The following THSD7B variants were observed in gnomAD, a reference collection of about 807,000 sequenced individuals.
THSD7B encodes the protein thrombospondin type 1 domain containing 7B.
Under a neutral mutation model 213.6 loss-of-function variants are expected in THSD7B, and 138 were observed. The ratio of observed to expected loss-of-function variants is 0.65; its 90% CI spans 0.56 to 0.74. THSD7B has a LOEUF of 0.74. THSD7B is among the 30% of genes least tolerant of loss of function. THSD7B has a pLI of 0.00. For missense variants in THSD7B, 1,931 were observed against 1,991.5 expected (o/e 0.97, Z 0.58); for synonymous variants, 742 against 687.0 (o/e 1.08, Z -1.25).
intron 12 of THSD7B, among the ~76,000 whole-genome samples, chr2:137,363,304 C>G (rs972380054): frequency 6.6e-6 from 1 of 151,992 alleles, no homozygotes; most frequent in Non-Finnish European, 1.5e-5. Context: ...AAAATCGACA[C>G]CCTAACATCA....
chr2:137,256,817 G>A (rs1682320929), intron 10 of THSD7B, among the ~76,000 whole-genome samples: 1 of 152,186 alleles, frequency 6.6e-6, no homozygotes, highest in African/African-American at 2.4e-5. Context: ...AATAGAAAAG[G>A]GGAATTGAAG....
At chr2:137,354,059 G>A (rs1001605703) in intron 12 of THSD7B, among the ~76,000 whole-genome samples, 7 of 152,010 alleles carry the variant, frequency 4.6e-5, no homozygotes, top group Non-Finnish European at 8.8e-5. Flanking sequence ...TGGCTCTGCA[G>A]ACAGAGCTGG....
chr2:137,487,472 C>G (rs1688485380), intron 15 of THSD7B, among the ~76,000 whole-genome samples: 1 of 145,952 alleles, frequency 6.9e-6, no homozygotes, highest in Admixed American at 6.8e-5. Context: ...CAGAGCAGAA[C>G]TGAAGGAAAT....
rs527546561 is a variant in THSD7B, at chr2:137,668,458, A to G, written c.4739+597A>G. Among the ~76,000 whole-genome samples, 104 of 151,510 alleles carry G rather than the reference A, an allele frequency of 6.9e-4. 4 individuals are homozygous for G. The South Asian group carries it at 0.021, about 31-fold the overall frequency. On this transcript the variant is annotated intron_variant, in intron 27 of 27. Coordinates refer to ENST00000409968, the MANE Select transcript of THSD7B (RefSeq NM_001316349.2). ...TGATGGTCATTTGCAAAAAAAAAAA[A>G]CCATTTTGTAAAGTGACTAGTTCTG...
chr2:136,864,675 C>T lies in THSD7B; in HGVS notation c.-35-17469C>T, dbSNP rs573581948. On this transcript the variant is annotated intron_variant, in intron 1 of 27. Coordinates refer to ENST00000409968, the MANE Select transcript of THSD7B (RefSeq NM_001316349.2). ...TCACATCATTCTCCTGCTTCAGCCC[C>T]CCGAGTAGCTGGGACCACAGGCTCC... Among the ~76,000 whole-genome samples the T allele has an allele frequency of 4.6e-4, 70 of 152,270 alleles. 1 individual carries two copies. Among genetic ancestry groups the T allele is most frequent in the African/African-American group, 1.6e-3 (65 of 41,556 alleles).
At chr2:137,418,726 ACT>A (rs1370472114) in intron 14 of THSD7B, among the ~76,000 whole-genome samples, 1 of 151,706 alleles carries the variant, frequency 6.6e-6, no homozygotes, top group Non-Finnish European at 1.5e-5. Context: ...TCACCAATCT[ACT>A]CTCTATTTTT....
chr2:137,434,027 T>G (rs1687240939), intron 14 of THSD7B, among the ~76,000 whole-genome samples: 1 of 152,200 alleles, frequency 6.6e-6, no homozygotes, highest in Non-Finnish European at 1.5e-5. Flanking sequence ...CAGCTTTATA[T>G]CATCCCAAAA....
intron 3 of THSD7B, among the ~76,000 whole-genome samples, chr2:137,065,497 T>A (rs775386756): frequency 2.0e-5 from 3 of 152,074 alleles, no homozygotes; most frequent in African/African-American, 4.8e-5. Flanking sequence ...TATTTTTTTC[T>A]CTTGTCTGAT....
chr2:137,451,511 T>G (rs941030182), intron 15 of THSD7B, among the ~76,000 whole-genome samples: 1 of 152,088 alleles, frequency 6.6e-6, no homozygotes, highest in African/African-American at 2.4e-5. Context: ...TCTTGCCAAA[T>G]CTTCCACAAC....
chr2:136,999,903 G>A (rs1245329475), intron 2 of THSD7B, among the ~76,000 whole-genome samples: 1 of 152,156 alleles, frequency 6.6e-6, no homozygotes, highest in African/African-American at 2.4e-5. Flanking sequence ...GGAAATGGAT[G>A]GAGAGCAGTT....
rs1272266462 is a variant in THSD7B at position 137,204,647 on chromosome 2, CAT to C, written c.1724-26394_1724-26393del. On this transcript the variant is annotated intron_variant, in intron 7 of 27. Transcript: ENST00000409968. ...TACAAATACATATCTATGTATGTAA[CAT>C]ATGTATTTTTTATTGAGCACAAATT... Among the ~76,000 whole-genome samples the C allele has an allele frequency of 5.9e-5, 9 of 152,046 alleles. No homozygotes were observed. The South Asian group carries it at 6.2e-4, about 11-fold the overall frequency.
intron 15 of THSD7B, among the ~76,000 whole-genome samples, chr2:137,483,222 ATC>A (rs1479255003): frequency 2.0e-5 from 3 of 152,238 alleles, no homozygotes; most frequent in Non-Finnish European, 4.4e-5. Context: ...TACGTGCATT[ATC>A]TGTTTTAATT....
At chr2:137,518,628 A>G (rs997928758) in intron 15 of THSD7B, among the ~76,000 whole-genome samples, 4 of 152,200 alleles carry the variant, frequency 2.6e-5, no homozygotes, top group African/African-American at 9.7e-5. Context: ...GATTTAAATA[A>G]TCAAGTGGAT....
At chr2:137,628,694 G>A (rs889928613) in intron 20 of THSD7B, among the ~76,000 whole-genome samples, 1 of 152,184 alleles carries the variant, frequency 6.6e-6, no homozygotes, top group Non-Finnish European at 1.5e-5. Flanking sequence ...GTTTCTCTCA[G>A]TAATAAAGGA....
At chr2:137,438,789 G>C (rs377251247) in intron 14 of THSD7B, among the ~76,000 whole-genome samples, 39 of 152,158 alleles carry the variant, frequency 2.6e-4, no homozygotes, top group African/African-American at 8.7e-4. Context: ...CCCCACAAAA[G>C]ATATGTTGAA....
intron 20 of THSD7B, among the ~76,000 whole-genome samples, chr2:137,637,781 T>G (rs1682860652): frequency 6.6e-6 from 1 of 152,170 alleles, no homozygotes; most frequent in Admixed American, 6.5e-5. Context: ...TGCCATCAAT[T>G]CAAAACAAGC....
rs182202645 is a variant in THSD7B at position 137,066,260 on chromosome 2, C to T, written c.950+9030C>T. On this transcript the variant is annotated intron_variant, in intron 3 of 27. Coordinates refer to ENST00000409968, the MANE Select transcript of THSD7B (RefSeq NM_001316349.2). ...AGTCTGGAGTGCGGTGGCATAATCT[C>T]GGCTCACTGCAACTTCTGTCTCCCA... Among the ~76,000 whole-genome samples the T allele has an allele frequency of 4.1e-5, 6 of 144,606 alleles. No individual in the cohort carries two copies. The East Asian group carries it at 6.1e-4, about 15-fold the overall frequency. The allele number at this position is 144,606 out of a possible 152,430, so 94.9% of individuals were successfully genotyped here.
intron 6 of THSD7B, among the ~76,000 whole-genome samples, chr2:137,169,934 G>A (rs763661955): frequency 1.3e-5 from 2 of 152,088 alleles, no homozygotes; most frequent in Non-Finnish European, 2.9e-5. Flanking sequence ...GATCTCTAAG[G>A]CCAAGAGTCA....
At chr2:137,395,070 A>C (rs1400410502) in intron 12 of THSD7B, among the ~76,000 whole-genome samples, 1 of 141,598 alleles carries the variant, frequency 7.1e-6, no homozygotes, top group African/African-American at 2.6e-5. Context: ...GGGCTGAGAC[A>C]ATGGGGTTTT....
Sources: allele counts gnomAD v4.1 joint callset (sites outside exome capture counted in the v4.1 genomes callset), GRCh38; gene constraint gnomAD v4.1.1; transcripts MANE v1.5; gene names NCBI Gene and HGNC (gene_info 2026-07-23, HGNC 2026-07-21).